The following USP6NL variants were observed in gnomAD, a reference collection of about 807,000 sequenced individuals.
The protein encoded by USP6NL is USP6 N-terminal-like protein.
In USP6NL, 26 loss-of-function variants were observed where a neutral mutation model predicts 61.9. That is an observed-to-expected ratio of 0.42 (90% CI 0.31 to 0.58). USP6NL has a LOEUF of 0.58. Among genes scored for constraint, USP6NL ranks in the 20% least tolerant of loss-of-function variants. USP6NL has a pLI of 0.16. For synonymous variants in USP6NL, 432 were observed against 390.1 expected, an observed-to-expected ratio of 1.11 and a Z score of -1.27; for missense variants, 1,114 against 1,034.3, an observed-to-expected ratio of 1.08 and a Z score of -1.06.
intron 2 of USP6NL, among the ~76,000 whole-genome samples, chr10:11,535,241 G>A (rs1273039845): frequency 1.3e-5 from 2 of 152,158 alleles, no homozygotes; most frequent in African/African-American, 4.8e-5. Context: ...TTTCCAAGCT[G>A]CCAAAGTGAT....
chr10:11,488,739 G>A (rs117099434), intron 10 of USP6NL, among the ~76,000 whole-genome samples: 1 of 152,230 alleles, frequency 6.6e-6, no homozygotes, highest in South Asian at 2.1e-4. Flanking sequence ...TCACTAAAAT[G>A]ATAATTTCAT....
In USP6NL at chr10:11,474,949, C is replaced by A. The variant is rs977012138; in HGVS notation, c.1078+6821G>T. ...ATGTTCTCCCGTAAGCACTGAAGTA[C>A]CCCGAAGGCTATGGCCATTTACCAA... On this transcript the variant is annotated intron_variant, in intron 14 of 14. Transcript: ENST00000609104. The surrounding 1 kb of genome is among the most constrained non-coding windows in gnomAD (Gnocchi z 4.9). 4.6e-5 allele frequency among the ~76,000 whole-genome samples: 7 copies of A among 152,134 alleles called. No homozygotes were observed. The highest frequency in any genetic ancestry group is 1.7e-4 in the African/African-American group (7 of 41,428).
rs1833657679 is a variant in USP6NL, at chr10:11,490,344, G to A, written c.543+488C>T. 6.6e-6 allele frequency among the ~76,000 whole-genome samples: 1 copy of A among 152,202 alleles called. No individual in the cohort carries two copies. The highest frequency in any genetic ancestry group is 1.5e-5 in the Non-Finnish European group (1 of 68,036). On this transcript the variant is annotated intron_variant, in intron 9 of 14. Coordinates refer to ENST00000609104, the MANE Select transcript of USP6NL (RefSeq NM_014688.5). The surrounding 1 kb of genome is among the most constrained non-coding windows in gnomAD (Gnocchi z 4.5). ...ATGCTGAATGCCTTAAGAAGAGCAT[G>A]TCTATTACCGAAGAGTTTAGCCTCC...
Position 11,501,569 on chromosome 10 carries a change from C to T in USP6NL, c.277-361G>A, listed in dbSNP as rs1029100219. ...GATGGTATAATTAACTTCTTACACA[C>T]TTTCTGCCTTTTATCCCACACACCT... On this transcript the variant is annotated intron_variant, in intron 6 of 14. Transcript: ENST00000609104. Among the ~76,000 whole-genome samples the T allele has an allele frequency of 2.0e-5, 3 of 152,328 alleles. 1 individual carries two copies. The highest frequency in any genetic ancestry group is 6.8e-3 in the Middle Eastern group (2 of 294).
chr10:11,544,564 T>G (rs905274839), intron 2 of USP6NL, among the ~76,000 whole-genome samples: 1 of 152,174 alleles, frequency 6.6e-6, no homozygotes, highest in African/African-American at 2.4e-5. Flanking sequence ...CTCGGCTCAC[T>G]GCAACCTCAT....
At position 11,501,213 on chromosome 10, in the gene USP6NL, T is replaced by C; in HGVS notation, c.277-5A>G. 1 of 1,602,196 alleles carries C rather than the reference T, an allele frequency of 6.2e-7. No homozygotes were observed. The highest frequency in any genetic ancestry group is 8.5e-7 in the Non-Finnish European group (1 of 1,175,744). On this transcript the variant is annotated splice_region_variant and splice_polypyrimidine_tract_variant and intron_variant, in intron 6 of 14. Coordinates refer to ENST00000609104, the MANE Select transcript of USP6NL (RefSeq NM_014688.5). ...TTTGTAAATTCGCCTATGAAACTTA[T>C]TAAAAGAAAAAGAAACTGAAGGTTA...
intron 2 of USP6NL, among the ~76,000 whole-genome samples, chr10:11,547,384 A>C (rs1166608179): frequency 2.0e-5 from 3 of 152,228 alleles, no homozygotes; most frequent in Non-Finnish European, 4.4e-5. Flanking sequence ...AATGTCTCAC[A>C]GCAGGCGGCA....
In USP6NL at chr10:11,489,012, G is replaced by A; in HGVS notation, c.664+90C>T. 2 of 1,533,302 alleles carry A rather than the reference G, an allele frequency of 1.3e-6. No homozygotes were observed. The highest frequency in any genetic ancestry group is 4.5e-5 in the East Asian group (2 of 43,958). 95.0% of individuals were successfully genotyped at this position (1,533,302 alleles called of 1,614,324 possible). ...CGAGCCCTGAGACATTAAATTTGCT[G>A]TATGTAACTCTTGCAAGCATCTTTG... On this transcript the variant is annotated intron_variant, in intron 10 of 14. Transcript: ENST00000609104. The surrounding 1 kb of genome is among the most constrained non-coding windows in gnomAD (Gnocchi z 5.7).
rs201928829 is a variant in USP6NL, at chr10:11,553,102, CT to C, written c.5-25536del. On this transcript the variant is annotated intron_variant, in intron 2 of 14. Coordinates refer to ENST00000609104, the MANE Select transcript of USP6NL (RefSeq NM_014688.5). The surrounding 1 kb of genome is among the most constrained non-coding windows in gnomAD (Gnocchi z 4.8). ...TTAACATTTTATTTATCCTTCACCC[CT>C]CTACCTGTAATTTCTCACTAAGTTT... Among the ~76,000 whole-genome samples, 2,338 of 152,264 alleles carry C rather than the reference CT, an allele frequency of 0.015. 60 individuals carry two copies. The highest frequency in any genetic ancestry group is 0.017 in the Non-Finnish European group (1,124 of 68,020).
intron 6 of USP6NL, among the ~76,000 whole-genome samples, chr10:11,504,424 C>A (rs1834348909): frequency 6.6e-6 from 1 of 152,200 alleles, no homozygotes; most frequent in African/African-American, 2.4e-5. Context: ...AATGTAGGTT[C>A]AGCGGGTGGT....
chr10:11,576,844 T>G (rs1837564278), intron 2 of USP6NL, among the ~76,000 whole-genome samples: 1 of 152,170 alleles, frequency 6.6e-6, no homozygotes, highest in African/African-American at 2.4e-5. Flanking sequence ...CTCTTTATCT[T>G]TCCACCCTTT....
In USP6NL at chr10:11,534,389, A is replaced by T. The variant is rs933123848; in HGVS notation, c.5-6822T>A. On this transcript the variant is annotated intron_variant, in intron 2 of 14. Transcript: ENST00000609104. ...TACACAAAATAAGAAAGAGAGGCAA[A>T]AACAGGATCCGTAACATTGCCGCAG... Among the ~76,000 whole-genome samples, 3 of 152,366 alleles carry T rather than the reference A, an allele frequency of 2.0e-5. No individual in the cohort carries two copies. In the East Asian group the frequency reaches 5.8e-4, roughly 29 times the overall value.
At chr10:11,581,829 G>A (rs114447207) in intron 2 of USP6NL, among the ~76,000 whole-genome samples, 1,719 of 152,238 alleles carry the variant, frequency 0.011, 35 homozygotes, top group African/African-American at 0.037. Context: ...CTGGAGTGTG[G>A]TGGCTCGATC....
intron 14 of USP6NL, among the ~76,000 whole-genome samples, chr10:11,466,472 G>A (rs1832457298): frequency 6.6e-6 from 1 of 152,216 alleles, no homozygotes; most frequent in African/African-American, 2.4e-5. Flanking sequence ...AATAAGCTGT[G>A]TGAACTTGGG....
chr10:11,532,670 A>G lies in USP6NL; in HGVS notation c.5-5103T>C, dbSNP rs1279752171. Among the ~76,000 whole-genome samples, 1 of 152,226 alleles carries G rather than the reference A, an allele frequency of 6.6e-6. No individual in the cohort carries two copies. Among genetic ancestry groups the G allele is most frequent in the African/African-American group, 2.4e-5 (1 of 41,454 alleles). On this transcript the variant is annotated intron_variant, in intron 2 of 14. Coordinates refer to ENST00000609104, the MANE Select transcript of USP6NL (RefSeq NM_014688.5). The surrounding 1 kb of genome is among the most constrained non-coding windows in gnomAD (Gnocchi z 4.1). ...TAAAAATAAAACTTGTCACAGAGCA[A>G]CAAAAAAATTTTTATTTAAAACATT...
At position 11,597,849 on chromosome 10, in the gene USP6NL, T is replaced by C. The variant is rs1838380332; in HGVS notation, c.-83-132A>G. On this transcript the variant is annotated intron_variant, in intron 1 of 14. Coordinates refer to ENST00000609104, the MANE Select transcript of USP6NL (RefSeq NM_014688.5). This position sits in a 1 kb window ranked among gnomAD's most constrained non-coding sequence, Gnocchi z 4.6. ...CAAAAAGAACTCTTGTGATCACCTA[T>C]TAAATATAAAAGATTATTAATCAAC... The C allele has an allele frequency of 5.7e-6, 3 of 525,736 alleles. No homozygotes were observed. Among genetic ancestry groups the C allele is most frequent in the Non-Finnish European group, 6.8e-6 (2 of 293,828 alleles). The allele number at this position is 525,736 out of a possible 1,614,324, so 32.6% of individuals were successfully genotyped here.
intron 2 of USP6NL, among the ~76,000 whole-genome samples, chr10:11,583,175 A>G (rs1837844432): frequency 6.7e-6 from 1 of 148,220 alleles, no homozygotes; most frequent in Admixed American, 6.9e-5. Flanking sequence ...ACATATTATT[A>G]TGTTTTCAAT....
intron 7 of USP6NL, 50 bp downstream of exon 7, chr10:11,501,051 T>C (rs749938711): frequency 3.6e-6 from 5 of 1,379,390 alleles, no homozygotes; most frequent in Non-Finnish European, 4.9e-6. Context: ...CTAAAAGAAA[T>C]GGATTTTACT....
Position 11,575,733 on chromosome 10 carries a change from G to C in USP6NL, c.4+21898C>G, listed in dbSNP as rs1186799469. ...TTTCTCTCATTTTTCATCACACATT[G>C]CATCAGTAAGAATATCTGATCACAT... On this transcript the variant is annotated intron_variant, in intron 2 of 14. Transcript: ENST00000609104. The surrounding 1 kb of genome is among the most constrained non-coding windows in gnomAD (Gnocchi z 4.2). Among the ~76,000 whole-genome samples the C allele has an allele frequency of 1.3e-5, 2 of 152,102 alleles. No homozygotes were observed. Among genetic ancestry groups the C allele is most frequent in the African/African-American group, 4.8e-5 (2 of 41,406 alleles).
Sources: gnomAD v4.1 joint callset for allele counts (sites outside exome capture counted in the v4.1 genomes callset) on GRCh38, gnomAD v4.1.1 for gene constraint, Gnocchi (gnomAD v3.1) non-coding constraint, MANE v1.5 for transcripts, NCBI Gene and HGNC (gene_info 2026-07-23, HGNC 2026-07-21) for gene names.